Variants in CSMD2 observed in about 807,000 individuals in gnomAD.
The protein encoded by CSMD2 is CUB and Sushi multiple domains 2, also known as CUB and sushi domain-containing protein 2.
Under a neutral mutation model 398.5 loss-of-function variants are expected in CSMD2, and 130 were observed. The ratio of observed to expected loss-of-function variants is 0.33; its 90% CI spans 0.28 to 0.38. The LOEUF (loss-of-function observed/expected upper bound fraction) is 0.38. Among genes scored for constraint, CSMD2 ranks in the 10% least tolerant of loss-of-function variants. The probability of loss-of-function intolerance (pLI) is 1.00; values close to 1 mark genes in which losing one functional copy is unlikely to be tolerated. For synonymous variants in CSMD2, 1,828 were observed against 1,908.5 expected, an observed-to-expected ratio of 0.96 and a Z score of 1.10; for missense variants, 3,829 against 4,764.9, an observed-to-expected ratio of 0.80 and a Z score of 5.78.
chr1:33,950,416 A>AGC (rs1266377441), intron 3 of CSMD2, among the ~76,000 whole-genome samples: 1 of 147,154 alleles, frequency 6.8e-6, no homozygotes, highest in Admixed American at 6.7e-5. Flanking sequence ...AGAGAGAGAG[A>AGC]GAGAGAGGAG....
intron 7 of CSMD2, among the ~76,000 whole-genome samples, 158 bp from the exon 8 acceptor site, chr1:33,820,714 A>G (rs985594999): frequency 3.3e-5 from 5 of 152,092 alleles, no homozygotes; most frequent in Admixed American, 6.6e-5. Context: ...GCCGGAGTCT[A>G]CTGGCCTGGG....
At chr1:33,643,773 G>A (rs1309883466) in intron 29 of CSMD2, among the ~76,000 whole-genome samples, 1 of 152,164 alleles carries the variant, frequency 6.6e-6, no homozygotes, top group African/African-American at 2.4e-5. Context: ...GGCATAGGCA[G>A]AAGCAGACCA....
chr1:33,605,263 G>A lies in CSMD2; in HGVS notation c.6532+19C>T. ...CGAGTACCCCAGGAAGAACTGCTGG[G>A]GATGAGGGAGCGACATACCTTCACA... is the stretch of plus-strand genomic sequence containing the variant. On this transcript the variant is annotated intron_variant, in intron 42 of 70. Transcript: ENST00000373381. 6.2e-7 allele frequency: 1 copy of A among 1,611,060 alleles called. No homozygotes were observed. The highest frequency in any genetic ancestry group is 8.5e-7 in the Non-Finnish European group (1 of 1,178,160).
intron 25 of CSMD2, among the ~76,000 whole-genome samples, chr1:33,680,148 C>CTTTTTT (rs34735969): frequency 1.1e-5 from 1 of 88,546 alleles, no homozygotes; most frequent in African/African-American, 4.6e-5. Context: ...ATGGCCTCGC[C>CTTTTTT]TTTTTTTTTT....
At chr1:34,127,515 C>A (rs1313900804) in intron 1 of CSMD2, among the ~76,000 whole-genome samples, 1 of 152,056 alleles carries the variant, frequency 6.6e-6, no homozygotes, top group Non-Finnish European at 1.5e-5. Flanking sequence ...GGAGGAGTGG[C>A]TGCAGAAGCA....
Position 33,611,084 on chromosome 1 carries a change from G to A in CSMD2, c.6300C>T (p.Ser2100=), listed in dbSNP as rs757818939. The A allele has an allele frequency of 6.8e-6, 11 of 1,613,944 alleles. No homozygotes were observed. In the East Asian group the frequency reaches 1.1e-4, roughly 16 times the overall value. The change falls in exon 41 of 71, where the codon AGC becomes AGT. Residue 2100 remains serine, a synonymous_variant. Transcript: ENST00000373381. ...ATCCTGGCCGATTCTGGGAGTGGTC[G>A]CTGTGGAAATACACGGTGGTCTCGT... ...TSHETTVYFH[S]DHSQNRPGFK...
intron 2 of CSMD2, among the ~76,000 whole-genome samples, chr1:34,042,922 A>G (rs1224198079): frequency 1.4e-5 from 2 of 147,992 alleles, no homozygotes; most frequent in Admixed American, 1.4e-4. Context: ...CCGAGTAGCT[A>G]GGATTACAGG....
chr1:34,089,135 G>T lies in CSMD2; in HGVS notation c.246C>A (p.Phe82Leu). Reference sequence around the variant, plus strand: ...TGGCGTAATTGGGGTAGCCATATGGGAACCCTGGGCTCTCAACTGTCCCAT... The same window carrying T: ...TGGCGTAATTGGGGTAGCCATATGGTAACCCTGGGCTCTCAACTGTCCCAT... Reference protein sequence around the residue: ...GPNGTVESPGFPYGYPNYANC... With the variant: ...GPNGTVESPGLPYGYPNYANC... The change falls in exon 2 of 71, where the codon TTC becomes TTA. Residue 82 changes from phenylalanine (F) to leucine (L), a missense_variant. Physicochemically the swap from Phe to Leu is conservative, Grantham distance 22. Coordinates refer to ENST00000373381, the MANE Select transcript of CSMD2 (RefSeq NM_001281956.2). The T allele has an allele frequency of 6.2e-7, 1 of 1,614,170 alleles. No individual in the cohort carries two copies.
chr1:33,938,815 CTGCTGGCTTACT>C (rs1052789180), intron 3 of CSMD2, among the ~76,000 whole-genome samples: 1 of 147,110 alleles, frequency 6.8e-6, no homozygotes, highest in Non-Finnish European at 1.5e-5. Flanking sequence ...TGATCCCACA[CTGCTGGCTTACT>C]TGGCATTTCC....
rs146842383 is a variant in CSMD2, at chr1:33,600,956, G to A, written c.6765C>T (p.Ala2255=). 6.2e-7 allele frequency: 1 copy of A among 1,614,154 alleles called. No homozygotes were observed. The highest frequency in any genetic ancestry group is 8.5e-7 in the Non-Finnish European group (1 of 1,180,038). The change falls in exon 44 of 71, where the codon GCC becomes GCT. Residue 2255 remains alanine (A), a synonymous_variant. Coordinates refer to ENST00000373381, the MANE Select transcript of CSMD2 (RefSeq NM_001281956.2). ...TGGATGAACTCTGCACTGTTTTCTTGGCCATGCTCCGGGTGAAGACGCCGA... is the reference window on the plus strand; with the variant it reads ...TGGATGAACTCTGCACTGTTTTCTTAGCCATGCTCCGGGTGAAGACGCCGA... ...PRLGVFTRSM[A]KKTVQSSSNQ...
chr1:33,691,195 A>T (rs1354980026), intron 25 of CSMD2, among the ~76,000 whole-genome samples: 2 of 152,284 alleles, frequency 1.3e-5, no homozygotes, highest in East Asian at 3.9e-4. Flanking sequence ...GAAGTGGAAA[A>T]TAAGGTTGGG....
intron 1 of CSMD2, among the ~76,000 whole-genome samples, chr1:34,154,005 C>A (rs1197748012): frequency 6.6e-6 from 1 of 152,176 alleles, no homozygotes; most frequent in African/African-American, 2.4e-5. Flanking sequence ...AAGGGCAACA[C>A]CTAGACTATA....
chr1:33,636,780 C>T lies in CSMD2; in HGVS notation c.4775-226G>A, dbSNP rs977749780. On this transcript the variant is annotated intron_variant, in intron 29 of 70. Transcript: ENST00000373381. This position sits in a 1 kb window ranked among gnomAD's most constrained non-coding sequence, Gnocchi z 4.8. ...AAGAGGGCAATTTCCCCTCCTCCCC[C>T]CATGTTCTTGCCTTGACCCACAGAG... Among the ~76,000 whole-genome samples, 1 of 152,142 alleles carries T rather than the reference C, an allele frequency of 6.6e-6. No homozygotes were observed. The highest frequency in any genetic ancestry group is 1.5e-5 in the Non-Finnish European group (1 of 68,038).
chr1:33,706,197 T>C (rs1418806547), intron 22 of CSMD2, among the ~76,000 whole-genome samples: 2 of 152,208 alleles, frequency 1.3e-5, no homozygotes, highest in African/African-American at 2.4e-5. Context: ...TTTTATTTAA[T>C]TTATTCGTGC....
In CSMD2 at chr1:34,120,958, G is replaced by A. The variant is rs570172873; in HGVS notation, c.188-31765C>T. Among the ~76,000 whole-genome samples the A allele has an allele frequency of 3.4e-4, 52 of 152,124 alleles. 1 individual carries two copies. The highest frequency in any genetic ancestry group is 1.2e-4 in the Non-Finnish European group (8 of 67,996). Reference sequence around the variant, plus strand: ...CCCATTCTCTGCTTTATTTTTTTTAGGAGCTCTTACCACCCAACATATTAC... The same window carrying A: ...CCCATTCTCTGCTTTATTTTTTTTAAGAGCTCTTACCACCCAACATATTAC... On this transcript the variant is annotated intron_variant, in intron 1 of 70. Coordinates refer to ENST00000373381, the MANE Select transcript of CSMD2 (RefSeq NM_001281956.2).
At chr1:33,676,277 C>A (rs1644708109) in intron 25 of CSMD2, among the ~76,000 whole-genome samples, 3 of 152,154 alleles carry the variant, frequency 2.0e-5, no homozygotes, top group Admixed American at 2.0e-4. Context: ...GATACAAAAT[C>A]AATGTGCAAA....
chr1:33,540,894 C>T (rs1441394875), intron 59 of CSMD2, among the ~76,000 whole-genome samples, 196 bp from the exon 60 acceptor site: 1 of 152,154 alleles, frequency 6.6e-6, no homozygotes, highest in Non-Finnish European at 1.5e-5. Context: ...GTGTGACAAC[C>T]CAGTCCTCTG....
intron 3 of CSMD2, among the ~76,000 whole-genome samples, chr1:33,957,622 C>G (rs1018860731): frequency 1.3e-5 from 2 of 152,138 alleles, no homozygotes; most frequent in Non-Finnish European, 2.9e-5. Context: ...TATCCCACTC[C>G]CAGGTTGGCC....
At position 33,836,014 on chromosome 1, in the gene CSMD2, A is replaced by G. The variant is rs1245563168; in HGVS notation, c.1034-10240T>C. ...TGGTTTTATCTACCTTTGGTCTTTG[A>G]TGATGGTGACATACAGATGGGGTTT... On this transcript the variant is annotated intron_variant, in intron 6 of 70. Transcript: ENST00000373381. 2.0e-5 allele frequency among the ~76,000 whole-genome samples: 3 copies of G among 152,196 alleles called. No individual in the cohort carries two copies. The East Asian group carries it at 5.8e-4, about 29-fold the overall frequency.
Sources: allele counts gnomAD v4.1 joint callset (sites outside exome capture counted in the v4.1 genomes callset), GRCh38; gene constraint gnomAD v4.1.1; non-coding constraint Gnocchi (gnomAD v3.1); transcripts MANE v1.5; gene names NCBI Gene and HGNC (gene_info 2026-07-23, HGNC 2026-07-21).